PTPRG: variants seen among roughly 807,000 people sequenced by gnomAD.
The protein encoded by PTPRG is protein tyrosine phosphatase receptor type G, also known as receptor-type tyrosine-protein phosphatase gamma.
A neutral mutation model predicts 165.3 loss-of-function variants in PTPRG; 102 were observed. The ratio of observed to expected loss-of-function variants is 0.62; its 90% CI spans 0.53 to 0.73. PTPRG has a LOEUF of 0.73. Ranked by LOEUF, PTPRG falls within the 30% of genes least tolerant of loss-of-function variation. The pLI, the probability that PTPRG is intolerant of heterozygous loss-of-function variation, is 0.00. For synonymous variants in PTPRG, 675 were observed against 669.5 expected (o/e 1.01, Z -0.13); for missense variants, 1,866 against 1,861.4 (o/e 1.00, Z -0.05).
intron 1 of PTPRG, among the ~76,000 whole-genome samples, chr3:61,733,467 TC>T (rs11307256): frequency 0.13 from 19,042 of 152,130 alleles, 1,694 homozygotes; most frequent in East Asian, 0.48. Context: ...AGAGCATTTA[TC>T]CCAGAAAGCT....
chr3:61,573,079 C>T (rs1700095265), intron 1 of PTPRG, among the ~76,000 whole-genome samples: 1 of 152,230 alleles, frequency 6.6e-6, no homozygotes, highest in Non-Finnish European at 1.5e-5. Flanking sequence ...TCTGGCTCTA[C>T]AAATGGCCTG....
intron 1 of PTPRG, among the ~76,000 whole-genome samples, chr3:61,691,926 G>A (rs961050012): frequency 3.3e-5 from 5 of 152,098 alleles, no homozygotes; most frequent in African/African-American, 9.7e-5. Flanking sequence ...GGATAAAAAG[G>A]GGATGTTTAC....
chr3:62,262,833 T>G lies in PTPRG; in HGVS notation c.2595T>G (p.Thr865=), dbSNP rs769164807. 2.6e-5 allele frequency: 42 copies of G among 1,613,838 alleles called. No individual in the cohort carries two copies. The highest frequency in any genetic ancestry group is 3.5e-5 in the Non-Finnish European group (41 of 1,179,880). ...GCTGTACTGCTGATATGAACATCAC[T>G]GCAGAGCATTCCAATCATCCAGAAA... ...VQRCTADMNI[T]AEHSNHPENK... Residue 865 remains threonine (T), a synonymous_variant, in exon 17 of 30, where the codon ACT becomes ACG. Transcript: ENST00000474889.
At chr3:61,762,589 C>A (rs2033889017) in intron 2 of PTPRG, among the ~76,000 whole-genome samples, 1 of 152,188 alleles carries the variant, frequency 6.6e-6, no homozygotes, top group Admixed American at 6.5e-5. Context: ...CCAGCCTGGG[C>A]AGCAGAACAA....
At chr3:61,826,800 G>A (rs1424139281) in intron 2 of PTPRG, among the ~76,000 whole-genome samples, 1 of 150,900 alleles carries the variant, frequency 6.6e-6, no homozygotes, top group Non-Finnish European at 1.5e-5. Context: ...AGACATGATA[G>A]CCAAATATAA....
At chr3:61,964,873 A>G (rs75567581) in intron 2 of PTPRG, among the ~76,000 whole-genome samples, 4,126 of 152,226 alleles carry the variant, frequency 0.027, 143 homozygotes, top group South Asian at 0.081. Context: ...AAGGAAACGC[A>G]GTCTAGATTA....
intron 1 of PTPRG, among the ~76,000 whole-genome samples, chr3:61,709,002 A>C (rs1280190138): frequency 1.3e-5 from 2 of 152,282 alleles, no homozygotes; most frequent in African/African-American, 4.8e-5. Flanking sequence ...GTAAGATTAC[A>C]GTAAAAACAA....
At chr3:61,807,045 C>G (rs188736120) in intron 2 of PTPRG, among the ~76,000 whole-genome samples, 8 of 152,238 alleles carry the variant, frequency 5.3e-5, no homozygotes, top group African/African-American at 1.9e-4. Flanking sequence ...AGTGATTTAT[C>G]ACATGGACGG....
rs909165140 is a variant in PTPRG at position 62,219,195 on chromosome 3, G to T, written c.2288+212G>T. 6.6e-6 allele frequency among the ~76,000 whole-genome samples: 1 copy of T among 152,142 alleles called. No individual in the cohort carries two copies. Among genetic ancestry groups the T allele is most frequent in the Non-Finnish European group, 1.5e-5 (1 of 68,026 alleles). On this transcript the variant is annotated intron_variant, in intron 13 of 29. Coordinates refer to ENST00000474889, the MANE Select transcript of PTPRG (RefSeq NM_002841.4). This position sits in a 1 kb window ranked among gnomAD's most constrained non-coding sequence, Gnocchi z 4.5. ...TCAAGGCATTTATGGTAAGCTTCTG[G>T]GATTTAGTACCAAAGAGGTTTTTGT...
intron 2 of PTPRG, among the ~76,000 whole-genome samples, chr3:61,957,687 C>A (rs2040064572): frequency 6.6e-6 from 1 of 152,196 alleles, no homozygotes; most frequent in East Asian, 1.9e-4. Context: ...GAAATCTATT[C>A]CACGTAGTCC....
intron 2 of PTPRG, among the ~76,000 whole-genome samples, chr3:61,775,592 C>G (rs2034352452): frequency 6.6e-6 from 1 of 152,006 alleles, no homozygotes; most frequent in South Asian, 2.1e-4. Flanking sequence ...GCTCAACAAT[C>G]CTAGAAATAG....
rs1204464707 is a variant in PTPRG, at chr3:62,210,118, CT to C, written c.2155+6169del. Among the ~76,000 whole-genome samples the C allele has an allele frequency of 6.6e-6, 1 of 152,118 alleles. No individual in the cohort carries two copies. Among genetic ancestry groups the C allele is most frequent in the East Asian group, 1.9e-4 (1 of 5,186 alleles). On this transcript the variant is annotated intron_variant, in intron 12 of 29. Transcript: ENST00000474889. The surrounding 1 kb of genome is among the most constrained non-coding windows in gnomAD (Gnocchi z 4.1). ...AGACCATCATTTTGATTGTTTGAGT[CT>C]GGTGAATTAAGCTCTGCATGAAATG...
chr3:62,215,546 A>ACCCCCC (rs35317755), intron 12 of PTPRG, among the ~76,000 whole-genome samples: 58 of 63,788 alleles, frequency 9.1e-4, no homozygotes, highest in Non-Finnish European at 1.1e-3. Flanking sequence ...CCCTACGGGA[A>ACCCCCC]CCCCCCCCCC....
intron 4 of PTPRG, among the ~76,000 whole-genome samples, chr3:62,008,918 C>G (rs74318492): frequency 0.073 from 11,092 of 152,274 alleles, 573 homozygotes; most frequent in Non-Finnish European, 0.11. Flanking sequence ...AGGCCATGGA[C>G]TAGTACTGGC....
At chr3:61,629,422 G>A (rs1290134364) in intron 1 of PTPRG, among the ~76,000 whole-genome samples, 1 of 152,136 alleles carries the variant, frequency 6.6e-6, no homozygotes, top group Non-Finnish European at 1.5e-5. Context: ...CTAAAGTGCC[G>A]AGATTACAGG....
chr3:62,231,218 C>T lies in PTPRG; in HGVS notation c.2289-7C>T. The T allele has an allele frequency of 6.5e-7, 1 of 1,537,184 alleles. No homozygotes were observed. The stretch of plus-strand genomic sequence containing the variant: ...CACCTGTTCTCTTTTGTTTTTTGTC[C>T]ATTTAGAGGGTGTAACAAAATAAAG... On this transcript the variant is annotated splice_region_variant and splice_polypyrimidine_tract_variant and intron_variant, in intron 13 of 29. Transcript: ENST00000474889.
At position 62,255,279 on chromosome 3, in the gene PTPRG, A is replaced by G. The variant is rs1400183281; in HGVS notation, c.2559+64A>G. 1 of 1,270,480 alleles carries G rather than the reference A, an allele frequency of 7.9e-7. No individual in the cohort carries two copies. Among genetic ancestry groups the G allele is most frequent in the East Asian group, 2.4e-5 (1 of 42,086 alleles). 78.7% of individuals were successfully genotyped at this position (1,270,480 alleles called of 1,614,324 possible). A position where few individuals can be genotyped will look rare whatever the true frequency, so the allele number is the denominator to read the frequency against. On this transcript the variant is annotated intron_variant, in intron 16 of 29. Coordinates refer to ENST00000474889, the MANE Select transcript of PTPRG (RefSeq NM_002841.4). This position sits in a 1 kb window ranked among gnomAD's most constrained non-coding sequence, Gnocchi z 4.0. ...AGTCTTACTTTATGCAGATTTTTGT[A>G]AACTTGAACTGAATTCATTCCAAGC...
intron 2 of PTPRG, among the ~76,000 whole-genome samples, chr3:61,813,913 G>T (rs1422120273): frequency 6.7e-6 from 1 of 149,590 alleles, no homozygotes; most frequent in African/African-American, 2.5e-5. Context: ...TTTGGGGGGG[G>T]TTGGAGTCTC....
chr3:61,661,911 A>C (rs557141985), intron 1 of PTPRG, among the ~76,000 whole-genome samples: 2 of 152,346 alleles, frequency 1.3e-5, no homozygotes, highest in South Asian at 2.1e-4. Flanking sequence ...TAATAATTTA[A>C]ATTTTAATAA....
Sources: allele counts gnomAD v4.1 joint callset (sites outside exome capture counted in the v4.1 genomes callset), GRCh38; gene constraint gnomAD v4.1.1; non-coding constraint Gnocchi (gnomAD v3.1); transcripts MANE v1.5; gene names NCBI Gene and HGNC (gene_info 2026-07-23, HGNC 2026-07-21).